Variants in LIN28B observed in about 807,000 individuals in gnomAD.
LIN28B encodes protein lin-28 homolog B.
A neutral mutation model predicts 21.9 loss-of-function variants in LIN28B; 5 were observed. That is an observed-to-expected ratio of 0.23 (90% confidence interval 0.12 to 0.48). LIN28B has a LOEUF of 0.48. Ranked by LOEUF, LIN28B falls within the 20% of genes least tolerant of loss-of-function variation. LIN28B has a pLI of 0.98. For missense variants in LIN28B, 245 were observed against 310.5 expected, an observed-to-expected ratio of 0.79 and a Z score of 1.58; for synonymous variants, 109 against 111.3, an observed-to-expected ratio of 0.98 and a Z score of 0.13.
At chr6:104,945,288 A>G (rs1778144004) in intron 2 of LIN28B, among the ~76,000 whole-genome samples, 1 of 152,104 alleles carries the variant, frequency 6.6e-6, no homozygotes, top group South Asian at 2.1e-4. Context: ...CAGTGTTGTA[A>G]GGATGAGTAA....
rs568701561 is a variant in LIN28B at position 105,035,539 on chromosome 6, C to G, written c.383+9057C>G. Among the ~76,000 whole-genome samples the G allele has an allele frequency of 1.6e-4, 25 of 152,238 alleles. No individual in the cohort carries two copies. In the East Asian group the frequency reaches 4.8e-3, roughly 29 times the overall value. Reference sequence around the variant, plus strand: ...ATGGTAAATGGAATGGAAAAATTAGCCAGCACATTTTGGTTGCAAAACATC... The same window carrying G: ...ATGGTAAATGGAATGGAAAAATTAGGCAGCACATTTTGGTTGCAAAACATC... On this transcript the variant is annotated intron_variant, in intron 3 of 3. Transcript: ENST00000345080.
At chr6:105,031,575 C>T (rs376631861) in intron 3 of LIN28B, among the ~76,000 whole-genome samples, 152 of 151,232 alleles carry the variant, frequency 1.0e-3, no homozygotes, top group African/African-American at 3.4e-3. Flanking sequence ...GCTCCATCGC[C>T]CAGGCTGGAG....
intron 3 of LIN28B, among the ~76,000 whole-genome samples, chr6:105,057,517 T>C (rs564952187): frequency 3.6e-4 from 55 of 152,326 alleles, no homozygotes; most frequent in Non-Finnish European, 4.9e-4. Flanking sequence ...ATCAAGGTGA[T>C]TTTTCTTCCT....
intron 2 of LIN28B, among the ~76,000 whole-genome samples, chr6:104,985,167 T>C (rs1253208282): frequency 6.6e-6 from 1 of 152,222 alleles, no homozygotes; most frequent in Non-Finnish European, 1.5e-5. Flanking sequence ...GTTCTCAGGC[T>C]GGAGCTTGTA....
intron 2 of LIN28B, among the ~76,000 whole-genome samples, chr6:105,020,788 T>A (rs1355443965): frequency 6.9e-6 from 1 of 145,660 alleles, no homozygotes; most frequent in African/African-American, 2.6e-5. Context: ...AGTCTCGCTC[T>A]GTTGCCCAGG....
chr6:105,049,369 GT>G lies in LIN28B; in HGVS notation c.383+22890del, dbSNP rs540706719. The stretch of plus-strand genomic sequence containing the variant: ...TGATTGCACTGTGGCCTGAGAGACA[GT>G]TTGTTATAATTTCTGTTCTTTTACA... On this transcript the variant is annotated intron_variant, in intron 3 of 3. Transcript: ENST00000345080. Among the ~76,000 whole-genome samples, 1,043 of 152,318 alleles carry G rather than the reference GT, an allele frequency of 6.8e-3. 14 individuals are homozygous for G. The highest frequency in any genetic ancestry group is 0.024 in the African/African-American group (1,006 of 41,574).
intron 3 of LIN28B, among the ~76,000 whole-genome samples, chr6:105,035,176 A>G (rs1275598250): frequency 6.6e-6 from 1 of 152,074 alleles, no homozygotes; most frequent in Admixed American, 6.6e-5. Flanking sequence ...TTATTAAAGA[A>G]TATCTGTTTT....
Position 105,078,910 on chromosome 6 carries a change from T to G in LIN28B, c.*127T>G. 1 of 1,105,166 alleles carries G rather than the reference T, an allele frequency of 9.0e-7. No homozygotes were observed. Among genetic ancestry groups the G allele is most frequent in the Non-Finnish European group, 1.3e-6 (1 of 780,504 alleles). The allele number at this position is 1,105,166 out of a possible 1,614,324, so 68.5% of individuals were successfully genotyped here. On this transcript the variant is annotated 3_prime_UTR_variant, in exon 4 of 4. Transcript: ENST00000345080. ...TAACTACTATTGGGGAACTGTGAAT[T>G]TTTTAAACAGACAAATCACTCTAAG...
intron 3 of LIN28B, among the ~76,000 whole-genome samples, chr6:105,039,332 A>G (rs1449973553): frequency 6.6e-6 from 1 of 152,240 alleles, no homozygotes; most frequent in Non-Finnish European, 1.5e-5. Flanking sequence ...ACAAAAAACT[A>G]GAAACCTAAA....
intron 2 of LIN28B, among the ~76,000 whole-genome samples, chr6:105,017,072 CAAAAAAAAAAA>C (rs56179020): frequency 3.5e-5 from 3 of 86,064 alleles, no homozygotes; most frequent in Non-Finnish European, 4.5e-5. Context: ...GACTCTGTCT[CAAAAAAAAAAA>C]AAAAAAAAAA....
chr6:104,992,514 G>GTT (rs71003467), intron 2 of LIN28B, among the ~76,000 whole-genome samples: 12,456 of 139,418 alleles, frequency 0.089, 619 homozygotes, highest in Middle Eastern at 0.11. Context: ...GTGTGTGTGT[G>GTT]TTTTTTTTTT....
At chr6:105,044,142 A>G (rs1226046832) in intron 3 of LIN28B, among the ~76,000 whole-genome samples, 1 of 152,124 alleles carries the variant, frequency 6.6e-6, no homozygotes, top group Non-Finnish European at 1.5e-5. Context: ...GTTACATTAT[A>G]TAAAGATTAA....
chr6:105,072,008 A>G (rs1193988228), intron 3 of LIN28B, among the ~76,000 whole-genome samples: 1 of 152,112 alleles, frequency 6.6e-6, no homozygotes, highest in Admixed American at 6.5e-5. Context: ...CTTTTGTTTT[A>G]TAGATGGGAT....
rs1205032492 is a variant in LIN28B, at chr6:105,023,638, TAAAA to T, written c.199-2659_199-2656del. ...ATATATATTATATATTTTATATATA[TAAAA>T]TATATAATATATATATATTTTTTTG... On this transcript the variant is annotated intron_variant, in intron 2 of 3. Transcript: ENST00000345080. 1.8e-3 allele frequency among the ~76,000 whole-genome samples: 157 copies of T among 87,762 alleles called. 8 individuals are homozygous for T. Among genetic ancestry groups the T allele is most frequent in the African/African-American group, 6.8e-3 (150 of 22,188 alleles). The allele number at this position is 87,762 out of a possible 152,430, so 57.6% of individuals were successfully genotyped here. A position where few individuals can be genotyped will look rare whatever the true frequency, so the allele number is the denominator to read the frequency against.
At chr6:104,997,566 G>A (rs1582886698) in intron 2 of LIN28B, among the ~76,000 whole-genome samples, 6 of 136,914 alleles carry the variant, frequency 4.4e-5, no homozygotes, top group Admixed American at 4.0e-4. Context: ...ACACACACAC[G>A]TTATTTCTAT....
chr6:104,976,372 C>T (rs540897885), intron 2 of LIN28B, among the ~76,000 whole-genome samples: 20 of 152,080 alleles, frequency 1.3e-4, no homozygotes, highest in African/African-American at 4.6e-4. Flanking sequence ...GAATGAAGAA[C>T]GAGTAGGCAA....
chr6:105,011,989 C>G (rs1247034743), intron 2 of LIN28B, among the ~76,000 whole-genome samples: 2 of 152,038 alleles, frequency 1.3e-5, no homozygotes, highest in Non-Finnish European at 2.9e-5. Context: ...GAAACCCCAT[C>G]TCTACTAAAA....
At chr6:105,061,713 G>A (rs1303468021) in intron 3 of LIN28B, among the ~76,000 whole-genome samples, 1 of 152,110 alleles carries the variant, frequency 6.6e-6, no homozygotes, top group Non-Finnish European at 1.5e-5. Flanking sequence ...ATGAATTCTT[G>A]AAGTATGAAG....
At chr6:105,001,274 G>A (rs184591055) in intron 2 of LIN28B, among the ~76,000 whole-genome samples, 110 of 152,340 alleles carry the variant, frequency 7.2e-4, no homozygotes, top group Non-Finnish European at 1.1e-3. Flanking sequence ...TGCTCTGCCT[G>A]TGGAACACAT....
Sources: allele counts gnomAD v4.1 joint callset (sites outside exome capture counted in the v4.1 genomes callset), GRCh38; gene constraint gnomAD v4.1.1; transcripts MANE v1.5; gene names NCBI Gene and HGNC (gene_info 2026-07-23, HGNC 2026-07-21).